Variants in NUP58 observed in about 807,000 individuals in gnomAD.
NUP58 encodes nucleoporin p58/p45.
A neutral mutation model predicts 70.1 loss-of-function variants in NUP58; 17 were observed. The ratio of observed to expected loss-of-function variants is 0.24; its 90% confidence interval spans 0.17 to 0.36. The LOEUF is 0.36. Among genes scored for constraint, NUP58 ranks in the 10% least tolerant of loss-of-function variants. NUP58 has a pLI of 1.00. For missense variants in NUP58, 644 were observed against 701.5 expected, an observed-to-expected ratio of 0.92 and a Z score of 0.93; for synonymous variants, 275 against 257.6, an observed-to-expected ratio of 1.07 and a Z score of -0.65.
At chr13:25,315,794 T>A (rs570989059) in intron 6 of NUP58, among the ~76,000 whole-genome samples, 1 of 152,338 alleles carries the variant, frequency 6.6e-6, no homozygotes, top group South Asian at 2.1e-4. Context: ...CCAGATGTTT[T>A]ACTTTGGGAA....
chr13:25,349,331 A>G (rs1260403186), intron 3 of NUP58, among the ~76,000 whole-genome samples: 5 of 152,212 alleles, frequency 3.3e-5, no homozygotes, highest in Admixed American at 6.5e-5. Context: ...GAACCATGCT[A>G]CTAGGGTTAG....
At chr13:25,347,818 G>C (rs747659386) in intron 3 of NUP58, among the ~76,000 whole-genome samples, 10 of 152,088 alleles carry the variant, frequency 6.6e-5, no homozygotes, top group Non-Finnish European at 1.5e-4. Context: ...GCCAAACAAG[G>C]ATCGATCTAA....
chr13:25,346,933 C>T (rs1296141605), downstream of NUP58, among the ~76,000 whole-genome samples: 2 of 152,098 alleles, frequency 1.3e-5, no homozygotes, highest in African/African-American at 4.8e-5. Context: ...ACACTTCACC[C>T]TCCAGAGGAG....
In NUP58 at chr13:25,313,620, C is replaced by T. The variant is rs1482499308; in HGVS notation, c.443C>T (p.Thr148Ile). ...SALTSTPAASTGFTLNNLGGT... is the reference protein window; with the variant it reads ...SALTSTPAASIGFTLNNLGGT... ...ACTATCTCTCTTTTTATAGCATCCA[C>T]AGGATTTACTCTAAATAATTTGGGT... is the stretch of plus-strand genomic sequence containing the variant. Residue 148 changes from threonine (T) to isoleucine (I), a missense_variant, in exon 5 of 16, where the codon ACA (threonine) becomes ATA (isoleucine). Coordinates refer to ENST00000381736, the MANE Select transcript of NUP58 (RefSeq NM_014089.4). The T allele has an allele frequency of 6.7e-7, 1 of 1,496,668 alleles. No homozygotes were observed. Among genetic ancestry groups the T allele is most frequent in the Non-Finnish European group, 8.8e-7 (1 of 1,133,966 alleles). The allele number at this position is 1,496,668 out of a possible 1,614,324, so 92.7% of individuals were successfully genotyped here.
intron 13 of NUP58, chr13:25,334,226 A>G (rs1468051931): frequency 1.0e-6 from 1 of 985,268 alleles, no homozygotes; most frequent in Non-Finnish European, 1.2e-6. Context: ...GTGCTTCCCA[A>G]GCCTCCTGAA....
At chr13:25,325,212 A>G (rs1867116487) in intron 10 of NUP58, 144 bp downstream of exon 10, 1 of 604,316 alleles carries the variant, frequency 1.7e-6, no homozygotes, top group South Asian at 2.2e-5. Flanking sequence ...AAATTTCATA[A>G]TAACCCTAAA....
downstream of NUP58, among the ~76,000 whole-genome samples, chr13:25,342,969 A>G (rs2031995061): frequency 6.6e-6 from 1 of 152,152 alleles, no homozygotes; most frequent in African/African-American, 2.4e-5. Context: ...ATGGGTGTAC[A>G]ATGATCTGTT....
At chr13:25,307,101 T>C (rs2030402435) in intron 1 of NUP58, among the ~76,000 whole-genome samples, 1 of 152,158 alleles carries the variant, frequency 6.6e-6, no homozygotes, top group East Asian at 1.9e-4. Flanking sequence ...AAAAATATGC[T>C]AGGTTTCAAA....
chr13:25,344,374 AATAAT>A (rs1253680887), downstream of NUP58, among the ~76,000 whole-genome samples: 7 of 152,310 alleles, frequency 4.6e-5, no homozygotes, highest in African/African-American at 4.8e-5. Context: ...TGGTTATACT[AATAAT>A]ATAATCTAAA....
At chr13:25,314,706 A>G (rs1051092707) in intron 5 of NUP58, among the ~76,000 whole-genome samples, 1 of 152,192 alleles carries the variant, frequency 6.6e-6, no homozygotes, top group Admixed American at 6.5e-5. Context: ...AAAAACAATA[A>G]TAACAATAAA....
intron 6 of NUP58, among the ~76,000 whole-genome samples, chr13:25,317,997 G>A (rs1247350629): frequency 1.3e-5 from 2 of 151,294 alleles, no homozygotes; most frequent in Admixed American, 1.3e-4. Context: ...CTAAGTAGCT[G>A]GGACCACAAG....
intron 12 of NUP58, among the ~76,000 whole-genome samples, chr13:25,330,848 A>G (rs2031576722): frequency 1.3e-5 from 2 of 152,172 alleles, no homozygotes; most frequent in South Asian, 4.1e-4. Context: ...CTGAGGTGCA[A>G]CACCTTATTT....
chr13:25,345,882 T>TAA (rs1232751402), downstream of NUP58, among the ~76,000 whole-genome samples: 1 of 152,126 alleles, frequency 6.6e-6, no homozygotes, highest in East Asian at 1.9e-4. Flanking sequence ...GGTTTTTGCC[T>TAA]TTTTCCCATT....
intron 13 of NUP58, chr13:25,335,441 A>C: frequency 1.0e-6 from 1 of 985,250 alleles, no homozygotes. Context: ...AGAACTGGAC[A>C]TGTGTTTTTT....
intron 6 of NUP58, among the ~76,000 whole-genome samples, chr13:25,318,120 G>C (rs1350861814): frequency 2.6e-5 from 4 of 152,002 alleles, no homozygotes; most frequent in African/African-American, 9.7e-5. Context: ...ATGAGGTCAG[G>C]AGATCAAGAC....
chr13:25,336,223 G>A, intron 13 of NUP58: 2 of 1,367,102 alleles, frequency 1.5e-6, no homozygotes, highest in Non-Finnish European at 2.0e-6. Flanking sequence ...GTGATAAGTG[G>A]TGTAATGTAG....
chr13:25,334,150 AATC>A, intron 13 of NUP58: 1 of 985,382 alleles, frequency 1.0e-6, no homozygotes, highest in African/African-American at 1.7e-5. Context: ...TTGTGTATGA[AATC>A]ATGAGCATCG....
intron 1 of NUP58, among the ~76,000 whole-genome samples, chr13:25,305,774 G>T (rs893127812): frequency 6.6e-6 from 1 of 152,070 alleles, no homozygotes; most frequent in Non-Finnish European, 1.5e-5. Flanking sequence ...TCTACTGCTT[G>T]AATTATCTCC....
intron 3 of NUP58, chr13:25,309,966 A>G (rs1378813278): frequency 2.6e-6 from 1 of 384,952 alleles, no homozygotes; most frequent in South Asian, 1.9e-5. Context: ...ACAGAAAACA[A>G]CACATCTGTT....
Sources: allele counts gnomAD v4.1 joint callset (sites outside exome capture counted in the v4.1 genomes callset), GRCh38; gene constraint gnomAD v4.1.1; transcripts MANE v1.5; gene names NCBI Gene and HGNC (gene_info 2026-07-23, HGNC 2026-07-21).